The following NAV1 variants were observed in gnomAD, a reference collection of about 807,000 sequenced individuals.
The protein encoded by NAV1 is pore membrane and/or filament interacting like protein 3.
NAV1 carries 18 observed loss-of-function variants against 175.2 expected under a neutral mutation model. The ratio of observed to expected loss-of-function variants is 0.10; its 90% CI spans 0.07 to 0.15. NAV1 has a LOEUF of 0.15. Ranked by LOEUF, NAV1 falls within the 10% of genes least tolerant of loss-of-function variation. NAV1 has a pLI of 1.00. For synonymous variants in NAV1, 897 were observed against 978.7 expected (o/e 0.92, Z 1.56); for missense variants, 1,731 against 2,436.6 (o/e 0.71, Z 6.10).
chr1:201,568,709 T>C (rs1382533665), intron 1 of NAV1, among the ~76,000 whole-genome samples: 1 of 152,114 alleles, frequency 6.6e-6, no homozygotes, highest in Non-Finnish European at 1.5e-5. Flanking sequence ...TAATATAATA[T>C]AATATATAAA....
At chr1:201,597,295 A>G (rs1667373602) in intron 2 of NAV1, among the ~76,000 whole-genome samples, 1 of 152,188 alleles carries the variant, frequency 6.6e-6, no homozygotes, top group Non-Finnish European at 1.5e-5. Context: ...CTGCAGTCCC[A>G]TCTGGCTTCC....
rs1043998633 is a variant in NAV1 at position 201,754,463 on chromosome 1, C to G, written c.1227-25958C>G. Among the ~76,000 whole-genome samples the G allele has an allele frequency of 4.6e-5, 7 of 152,134 alleles. No homozygotes were observed. The South Asian group carries it at 1.0e-3, about 23-fold the overall frequency. On this transcript the variant is annotated intron_variant, in intron 3 of 29. Coordinates refer to ENST00000367296, the Ensembl canonical transcript of NAV1. ...AGAAGTCAGAAAGGATGAAAAAGTC[C>G]TAGTTGAATTAGCAATGTAGAGATC...
intron 1 of NAV1, among the ~76,000 whole-genome samples, chr1:201,560,522 A>C (rs550075277): frequency 1.6e-4 from 24 of 152,300 alleles, no homozygotes; most frequent in African/African-American, 4.3e-4. Context: ...GTGACCCTGC[A>C]TCCGGGGTGT....
At chr1:201,545,490 T>C (rs1665640345) in intron 1 of NAV1, among the ~76,000 whole-genome samples, 1 of 152,210 alleles carries the variant, frequency 6.6e-6, no homozygotes, top group Admixed American at 6.5e-5. Context: ...GGTCTCAAAC[T>C]CTTGGCCTCA....
chr1:201,785,184 T>C, intron 7 of NAV1, 126 bp from the exon 12 acceptor site: 1 of 885,898 alleles, frequency 1.1e-6, no homozygotes, highest in Non-Finnish European at 1.7e-6. Flanking sequence ...CTAAAGCAGG[T>C]CATAGTTTGA....
At chr1:201,789,360 C>T (rs1676963551) in intron 10 of NAV1, among the ~76,000 whole-genome samples, 1 of 152,156 alleles carries the variant, frequency 6.6e-6, no homozygotes, top group Non-Finnish European at 1.5e-5. Flanking sequence ...GGCAGAATTT[C>T]AGTATTTGTT....
At chr1:201,557,402 C>T (rs1312328641) in intron 1 of NAV1, among the ~76,000 whole-genome samples, 2 of 152,236 alleles carry the variant, frequency 1.3e-5, no homozygotes, top group African/African-American at 2.4e-5. Context: ...CCCAATCACA[C>T]ATGCAAGGAA....
intron 1 of NAV1, among the ~76,000 whole-genome samples, chr1:201,676,019 G>T (rs1435704702): frequency 1.3e-5 from 2 of 152,178 alleles, no homozygotes; most frequent in African/African-American, 4.8e-5. Flanking sequence ...CCCCCTCTCT[G>T]CGTCTCAAAA....
At chr1:201,818,791 C>T (rs1319179950) in intron 29 of NAV1, among the ~76,000 whole-genome samples, 1 of 152,202 alleles carries the variant, frequency 6.6e-6, no homozygotes, top group Non-Finnish European at 1.5e-5. Context: ...ATCCTGTGAC[C>T]TTACAATTCT....
rs781329749 is a variant in NAV1, at chr1:201,782,162, C to G, written c.1664-14C>G. 1 of 1,558,552 alleles carries G rather than the reference C, an allele frequency of 6.4e-7. No individual in the cohort carries two copies. Among genetic ancestry groups the G allele is most frequent in the South Asian group, 1.2e-5 (1 of 81,872 alleles). ...TCAGTTTCAGCTCTTTTCTCATTTCCCGTCCTCTTGCAGGCAAACCTGAGG... is the reference window on the plus strand; with the variant it reads ...TCAGTTTCAGCTCTTTTCTCATTTCGCGTCCTCTTGCAGGCAAACCTGAGG... On this transcript the variant is annotated splice_polypyrimidine_tract_variant and intron_variant, in intron 5 of 29. Transcript: ENST00000367296. The surrounding 1 kb of genome is among the most constrained non-coding windows in gnomAD (Gnocchi z 5.4).
chr1:201,622,099 C>A (rs1200683311), upstream of NAV1, among the ~76,000 whole-genome samples: 1 of 151,624 alleles, frequency 6.6e-6, no homozygotes, highest in Non-Finnish European at 1.5e-5. Context: ...GACACTCAGT[C>A]TCTTTTAGAC....
At chr1:201,775,986 G>A (rs1571480734) in intron 3 of NAV1, among the ~76,000 whole-genome samples, 1 of 152,148 alleles carries the variant, frequency 6.6e-6, no homozygotes, top group East Asian at 1.9e-4. Flanking sequence ...GAGCCCAGGA[G>A]TTTGAGGCTG....
At chr1:201,733,241 A>G (rs997663126) in intron 3 of NAV1, among the ~76,000 whole-genome samples, 3 of 152,018 alleles carry the variant, frequency 2.0e-5, no homozygotes, top group Non-Finnish European at 4.4e-5. Context: ...TTAGCTGGGC[A>G]TGGTGATGCG....
intron 3 of NAV1, among the ~76,000 whole-genome samples, chr1:201,744,760 AG>A (rs1466973121): frequency 6.6e-6 from 1 of 152,196 alleles, no homozygotes; most frequent in African/African-American, 2.4e-5. Flanking sequence ...TTGAGGAAAG[AG>A]GGGGAAGTTT....
chr1:201,653,107 T>TG lies in NAV1; in HGVS notation c.757+3683dup, dbSNP rs567536920. On this transcript the variant is annotated intron_variant, in intron 1 of 29. Transcript: ENST00000367296. ...TTCTACCAAATGTATTACTTTCATG[T>TG]GATCATAATGCCAAAAAAGCAGAAG... is the stretch of plus-strand genomic sequence containing the variant. Among the ~76,000 whole-genome samples the TG allele has an allele frequency of 1.5e-3, 227 of 152,334 alleles. 1 individual carries two copies. The highest frequency in any genetic ancestry group is 5.1e-3 in the African/African-American group (212 of 41,574).
intron 3 of NAV1, among the ~76,000 whole-genome samples, chr1:201,774,091 A>G (rs1675774960): frequency 6.6e-6 from 1 of 152,084 alleles, no homozygotes; most frequent in African/African-American, 2.4e-5. Flanking sequence ...TGTTGTTTTC[A>G]CCTCCTCGTG....
chr1:201,765,379 T>G (rs1675137120), intron 3 of NAV1, among the ~76,000 whole-genome samples: 1 of 124,788 alleles, frequency 8.0e-6, no homozygotes, highest in South Asian at 2.6e-4. Flanking sequence ...TCAGGAAATA[T>G]TCTTTTTTTT....
Position 201,547,647 on chromosome 1 carries a change from A to G in NAV1, c.-144+8305A>G, listed in dbSNP as rs116743858. Among the ~76,000 whole-genome samples the G allele has an allele frequency of 1.0e-3, 158 of 152,356 alleles. 1 individual carries two copies. The highest frequency in any genetic ancestry group is 3.7e-3 in the African/African-American group (152 of 41,584). On this transcript the variant is annotated intron_variant, in intron 1 of 33. Transcript: ENST00000685211. ...TTAGGAAATTGCAGTTCAGAGAGTTATCTAAGTTGCCCAAATAGTATGAGC... is the reference window on the plus strand; with the variant it reads ...TTAGGAAATTGCAGTTCAGAGAGTTGTCTAAGTTGCCCAAATAGTATGAGC...
At chr1:201,803,776 C>T in intron 16 of NAV1, 62 bp downstream of exon 20, 1 of 1,574,752 alleles carries the variant, frequency 6.4e-7, no homozygotes, top group East Asian at 2.3e-5. Context: ...TTCACCTCAG[C>T]ATAGGGATCG....
Sources: allele counts gnomAD v4.1 joint callset (sites outside exome capture counted in the v4.1 genomes callset), GRCh38; gene constraint gnomAD v4.1.1; non-coding constraint Gnocchi (gnomAD v3.1); transcripts MANE v1.5; gene names NCBI Gene and HGNC (gene_info 2026-07-23, HGNC 2026-07-21).